The following CAST variants were observed in gnomAD, a reference collection of about 807,000 sequenced individuals.
CAST encodes calpastatin.
In CAST, 76 loss-of-function variants were observed where a neutral mutation model predicts 119.6. That is an observed-to-expected ratio of 0.64 (90% CI 0.53 to 0.77). The LOEUF (loss-of-function observed/expected upper bound fraction) is 0.77, where lower values mean the gene tolerates loss of function less well. Among genes scored for constraint, CAST ranks in the 30% least tolerant of loss-of-function variants. The pLI, the probability that CAST is intolerant of heterozygous loss-of-function variation, is 0.00. For missense variants in CAST, 953 were observed against 946.5 expected, an observed-to-expected ratio of 1.01 and a Z score of -0.09; for synonymous variants, 319 against 331.6, an observed-to-expected ratio of 0.96 and a Z score of 0.41.
chr5:96,087,401 T>C, the CAST span, among the ~76,000 whole-genome samples: 1 of 152,206 alleles, frequency 6.6e-6, no homozygotes, highest in Non-Finnish European at 1.5e-5. Context: ...TTTTTTAAGA[T>C]TCTAATCTTT....
chr5:96,221,656 T>C, the CAST span, among the ~76,000 whole-genome samples: 1 of 151,610 alleles, frequency 6.6e-6, no homozygotes, highest in Non-Finnish European at 1.5e-5. Context: ...ACTAGAAGAG[T>C]CAATATCATT....
At chr5:96,182,950 A>G in the CAST span, among the ~76,000 whole-genome samples, 1 of 151,960 alleles carries the variant, frequency 6.6e-6, no homozygotes, top group Non-Finnish European at 1.5e-5. Context: ...CATCCTGGCT[A>G]ACACAGTGAA....
intron 1 of CAST, among the ~76,000 whole-genome samples, chr5:96,530,546 C>T (rs2150177127): frequency 6.6e-6 from 1 of 152,196 alleles, no homozygotes; most frequent in South Asian, 2.1e-4. Context: ...TGTCCATAAA[C>T]ACTTTAAAAC....
chr5:96,644,627 A>G (rs1004365244), intron 1 of CAST, among the ~76,000 whole-genome samples: 1 of 152,208 alleles, frequency 6.6e-6, no homozygotes, highest in African/African-American at 2.4e-5. Flanking sequence ...ATCATCTTAC[A>G]TTATGGTGAT....
chr5:96,429,942 A>C, the CAST span, among the ~76,000 whole-genome samples: 2 of 152,244 alleles, frequency 1.3e-5, no homozygotes, highest in Non-Finnish European at 2.9e-5. Context: ...ATGCTCATTT[A>C]ATCAAATATA....
intron 1 of CAST, among the ~76,000 whole-genome samples, chr5:96,548,709 AGTTT>A (rs1374279382): frequency 1.3e-5 from 2 of 152,226 alleles, no homozygotes; most frequent in African/African-American, 4.8e-5. Flanking sequence ...TCTTCTCTCT[AGTTT>A]ATTTCTCAGT....
intron 8 of CAST, among the ~76,000 whole-genome samples, chr5:96,730,237 A>G (rs145613000): frequency 2.2e-3 from 334 of 152,336 alleles, no homozygotes; most frequent in African/African-American, 7.9e-3. Flanking sequence ...TAACATCTAC[A>G]AGAAATACTT....
chr5:96,279,281 G>A, the CAST span, among the ~76,000 whole-genome samples: 1 of 152,152 alleles, frequency 6.6e-6, no homozygotes, highest in East Asian at 1.9e-4. Context: ...CTGTGGTGCT[G>A]CAGATGGCCC....
the CAST span, among the ~76,000 whole-genome samples, chr5:96,316,061 A>G: frequency 7.2e-3 from 1,091 of 152,288 alleles, 8 homozygotes; most frequent in Middle Eastern, 0.017. Flanking sequence ...TGAATTTCTG[A>G]CCCATGACAT....
At chr5:96,660,687 A>G (rs1748305780), upstream of CAST, among the ~76,000 whole-genome samples, 1 of 152,106 alleles carries the variant, frequency 6.6e-6, no homozygotes, top group Non-Finnish European at 1.5e-5. Flanking sequence ...AGGAAGGAGG[A>G]GCTGCCTGTC....
chr5:96,566,204 C>T (rs574815464), intron 1 of CAST, among the ~76,000 whole-genome samples: 2 of 152,224 alleles, frequency 1.3e-5, no homozygotes, highest in African/African-American at 2.4e-5. Flanking sequence ...TGACTTGACA[C>T]GCTCTGCCTT....
the CAST span, among the ~76,000 whole-genome samples, chr5:96,110,634 A>C: frequency 6.6e-6 from 1 of 152,176 alleles, no homozygotes; most frequent in Admixed American, 6.5e-5. Context: ...AACTGTGAGG[A>C]AGGAGCATTC....
chr5:96,336,221 AG>A, the CAST span, among the ~76,000 whole-genome samples: 1 of 152,188 alleles, frequency 6.6e-6, no homozygotes, highest in Non-Finnish European at 1.5e-5. Flanking sequence ...CTCAACCGGC[AG>A]TAGTTCTCTG....
At chr5:96,436,548 T>C in the CAST span, among the ~76,000 whole-genome samples, 8 of 152,322 alleles carry the variant, frequency 5.3e-5, no homozygotes, top group Admixed American at 1.3e-4. Context: ...TCTTAATAGC[T>C]GCTGTCAATG....
chr5:96,523,406 C>T (rs1041489739), upstream of CAST, among the ~76,000 whole-genome samples: 3 of 152,156 alleles, frequency 2.0e-5, no homozygotes, highest in African/African-American at 7.2e-5. Context: ...TATTTGAAAC[C>T]AAGAGAGTCA....
At chr5:96,644,647 A>C (rs1747994091) in intron 1 of CAST, among the ~76,000 whole-genome samples, 1 of 152,160 alleles carries the variant, frequency 6.6e-6, no homozygotes, top group Non-Finnish European at 1.5e-5. Flanking sequence ...TACATCTGTC[A>C]AAATTAGGAA....
chr5:96,267,538 A>G, the CAST span, among the ~76,000 whole-genome samples: 5 of 152,226 alleles, frequency 3.3e-5, no homozygotes, highest in African/African-American at 1.2e-4. Context: ...AAGTGCTGAA[A>G]GAAAAGTCTG....
At chr5:95,984,659 C>T in the CAST span, among the ~76,000 whole-genome samples, 2 of 152,088 alleles carry the variant, frequency 1.3e-5, no homozygotes, top group African/African-American at 4.8e-5. Context: ...GCAGCAGAGG[C>T]AGAGATACAG....
the CAST span, among the ~76,000 whole-genome samples, chr5:96,326,435 C>G: frequency 2.0e-5 from 3 of 152,116 alleles, no homozygotes; most frequent in Non-Finnish European, 4.4e-5. Flanking sequence ...GAATGTTCTC[C>G]TCTTCTTTTC....
Sources: allele counts gnomAD v4.1 joint callset (sites outside exome capture counted in the v4.1 genomes callset), GRCh38; gene constraint gnomAD v4.1.1; transcripts MANE v1.5; gene names NCBI Gene and HGNC (gene_info 2026-07-23, HGNC 2026-07-21).